Variants in TMPRSS5 observed in about 807,000 individuals in gnomAD.
TMPRSS5 encodes the protein transmembrane protease serine 5.
Under a neutral mutation model 59.7 loss-of-function variants are expected in TMPRSS5, and 45 were observed. The ratio of observed to expected loss-of-function variants is 0.75; its 90% confidence interval spans 0.59 to 0.97. TMPRSS5 has a LOEUF of 0.97. TMPRSS5 is among the 50% of genes least tolerant of loss of function. TMPRSS5 has a pLI of 0.00. For synonymous variants in TMPRSS5, 225 were observed against 232.0 expected (o/e 0.97, Z 0.27); for missense variants, 585 against 596.7 (o/e 0.98, Z 0.20).
rs1952725769 is a variant in TMPRSS5, at chr11:113,690,151, G to A, written c.1206+80C>T. The A allele has an allele frequency of 6.1e-6, 9 of 1,486,610 alleles. No homozygotes were observed. In the South Asian group the frequency reaches 7.8e-5, roughly 13 times the overall value. 92.1% of individuals were successfully genotyped at this position (1,486,610 alleles called of 1,614,324 possible). The stretch of plus-strand genomic sequence containing the variant: ...CACTGACAAGCTCAGACCAGGGCAG[G>A]GGGCCAAGTCACAGCAGGCCCCCTG... On this transcript the variant is annotated intron_variant, in intron 11 of 12. Transcript: ENST00000299882.
chr11:113,690,056 C>T (rs1348777079), intron 11 of TMPRSS5, 139 bp from the exon 12 acceptor site: 13 of 1,260,916 alleles, frequency 1.0e-5, no homozygotes, highest in African/African-American at 1.5e-5. Flanking sequence ...GGCCTCACCC[C>T]TCCTTAAACC....
At chr11:113,693,581 C>T (rs1011858616) in intron 8 of TMPRSS5, 1 of 195,470 alleles carries the variant, frequency 5.1e-6, no homozygotes, top group Non-Finnish European at 1.0e-5. Context: ...AAAAACTTCC[C>T]CTGGTCCCAT....
At position 113,689,757 on chromosome 11, in the gene TMPRSS5, A is replaced by G. The variant is rs1591370478; in HGVS notation, c.1359+8T>C. 3.7e-6 allele frequency: 6 copies of G among 1,608,286 alleles called. No individual in the cohort carries two copies. In the East Asian group the frequency reaches 1.3e-4, roughly 36 times the overall value. The stretch of plus-strand genomic sequence containing the variant: ...ATCTCCCTGCCCTACTCCTGCCCCC[A>G]CACTCACCTGAGCAGTGTCATGGAT... On this transcript the variant is annotated splice_region_variant and intron_variant, in intron 12 of 12. Coordinates refer to ENST00000299882, the MANE Select transcript of TMPRSS5 (RefSeq NM_030770.4).
At chr11:113,704,176 A>G (rs1953221583) in intron 1 of TMPRSS5, among the ~76,000 whole-genome samples, 1 of 152,228 alleles carries the variant, frequency 6.6e-6, no homozygotes, top group Non-Finnish European at 1.5e-5. Context: ...CTCATGAGCC[A>G]TGAAGAGGAG....
intron 7 of TMPRSS5, 112 bp downstream of exon 7, chr11:113,695,288 G>A: frequency 1.7e-6 from 2 of 1,188,812 alleles, no homozygotes; most frequent in Non-Finnish European, 2.4e-6. Flanking sequence ...AGGTGGGCAA[G>A]ACCCCTACCC....
chr11:113,694,977 G>A (rs529728608), intron 7 of TMPRSS5, among the ~76,000 whole-genome samples: 20 of 152,272 alleles, frequency 1.3e-4, no homozygotes, highest in Non-Finnish European at 2.2e-4. Context: ...GTAGATGAAC[G>A]GGAAGACCAA....
At chr11:113,693,021 C>T (rs751473929) in intron 9 of TMPRSS5, 50 bp downstream of exon 9, 1 of 1,483,268 alleles carries the variant, frequency 6.7e-7, no homozygotes, top group South Asian at 1.2e-5. Flanking sequence ...CAGCCCCCGC[C>T]CTCTCTCGCC....
At chr11:113,705,977 G>A (rs1341313530) in intron 1 of TMPRSS5, among the ~76,000 whole-genome samples, 2 of 152,226 alleles carry the variant, frequency 1.3e-5, no homozygotes, top group African/African-American at 4.8e-5. Flanking sequence ...ATAACGATTT[G>A]TTGAGCACCA....
Position 113,697,379 on chromosome 11 carries a change from G to A in TMPRSS5, c.368C>T (p.Ala123Val), listed in dbSNP as rs369568528. Residue 123 changes from alanine to valine, a missense_variant, in exon 5 of 13, where the codon GCG becomes GTG. Coordinates refer to ENST00000299882, the MANE Select transcript of TMPRSS5 (RefSeq NM_030770.4). ...CCAGCGTGGCTGATCCCTCACTTGCGCTTCCAGCAAGAAGTCTTCGCTGTT... is the reference window on the plus strand; with the variant it reads ...CCAGCGTGGCTGATCCCTCACTTGCACTTCCAGCAAGAAGTCTTCGCTGTT... ...RINSEDFLLE[A>V]QVRDQPRWLL... is the part of the protein sequence containing the mutation. The A allele has an allele frequency of 8.1e-5, 131 of 1,613,712 alleles. No homozygotes were observed. The highest frequency in any genetic ancestry group is 1.0e-4 in the Admixed American group (6 of 59,998).
chr11:113,700,211 G>T, intron 1 of TMPRSS5, 43 bp from the exon 2 acceptor site: 1 of 1,463,122 alleles, frequency 6.8e-7, no homozygotes, highest in Non-Finnish European at 9.1e-7. Context: ...CCACATCAAG[G>T]ACTGCTGAGA....
rs752949462 is a variant in TMPRSS5, at chr11:113,695,415, AAAC to A, written c.604_606del (p.Val202del). 12 of 1,613,838 alleles carry A rather than the reference AAAC, an allele frequency of 7.4e-6. No individual in the cohort carries two copies. Among genetic ancestry groups the A allele is most frequent in the East Asian group, 6.7e-5 (3 of 44,882 alleles). ...TATGACTCACCAGAGCATCTGAGGG[AAAC>A]AACTTGACCAGAAGTGCAGTTGTTC... On this transcript the variant is annotated inframe_deletion, in exon 7 of 13. Coordinates refer to ENST00000299882, the MANE Select transcript of TMPRSS5 (RefSeq NM_030770.4).
intron 4 of TMPRSS5, among the ~76,000 whole-genome samples, chr11:113,697,913 T>A (rs1425542594): frequency 6.6e-6 from 1 of 152,146 alleles, no homozygotes; most frequent in Non-Finnish European, 1.5e-5. Flanking sequence ...CAAATTCATA[T>A]GTTAAAGCCC....
chr11:113,695,019 G>A (rs1952888415), intron 7 of TMPRSS5, among the ~76,000 whole-genome samples: 1 of 151,982 alleles, frequency 6.6e-6, no homozygotes, highest in South Asian at 2.1e-4. Flanking sequence ...CTTCCCGTTT[G>A]GTACCTGATT....
chr11:113,697,914 G>A (rs1233245695), intron 4 of TMPRSS5, among the ~76,000 whole-genome samples: 1 of 152,174 alleles, frequency 6.6e-6, no homozygotes, highest in Non-Finnish European at 1.5e-5. Flanking sequence ...AAATTCATAT[G>A]TTAAAGCCCC....
chr11:113,702,990 G>T (rs1953185475), intron 1 of TMPRSS5, among the ~76,000 whole-genome samples: 1 of 152,248 alleles, frequency 6.6e-6, no homozygotes, highest in Non-Finnish European at 1.5e-5. Flanking sequence ...GGAAATGTAG[G>T]GTTGGAGCCC....
At position 113,688,017 on chromosome 11, in the gene TMPRSS5, C is replaced by G; in HGVS notation, c.*243G>C. On this transcript the variant is annotated 3_prime_UTR_variant, in exon 13 of 13. Transcript: ENST00000299882. Reference sequence around the variant, plus strand: ...CAACCACAGCATGCCCAACCAAGTCCCAGCCTCTCTTCTGTCATTGAGTCT... The same window carrying G: ...CAACCACAGCATGCCCAACCAAGTCGCAGCCTCTCTTCTGTCATTGAGTCT... The G allele has an allele frequency of 2.0e-6, 1 of 492,038 alleles. No homozygotes were observed. The highest frequency in any genetic ancestry group is 3.2e-6 in the Non-Finnish European group (1 of 308,804). The allele number at this position is 492,038 out of a possible 1,614,324, so 30.5% of individuals were successfully genotyped here.
chr11:113,689,749 C>T lies in TMPRSS5; in HGVS notation c.1359+16G>A. On this transcript the variant is annotated intron_variant, in intron 12 of 12. Transcript: ENST00000299882. ...CTTTAGAAATCTCCCTGCCCTACTC[C>T]TGCCCCCACACTCACCTGAGCAGTG... is the stretch of plus-strand genomic sequence containing the variant. 6.2e-7 allele frequency: 1 copy of T among 1,606,976 alleles called. No homozygotes were observed. The highest frequency in any genetic ancestry group is 8.5e-7 in the Non-Finnish European group (1 of 1,176,950).
intron 8 of TMPRSS5, among the ~76,000 whole-genome samples, chr11:113,694,049 C>T (rs1461362022): frequency 6.6e-6 from 1 of 152,146 alleles, no homozygotes; most frequent in African/African-American, 2.4e-5. Flanking sequence ...AGGCAGATCA[C>T]CTGAGGTCAG....
Position 113,694,626 on chromosome 11 carries a change from G to C in TMPRSS5, c.637C>G (p.Pro213Ala). 1 of 1,547,376 alleles carries C rather than the reference G, an allele frequency of 6.5e-7. No homozygotes were observed. The highest frequency in any genetic ancestry group is 8.7e-7 in the Non-Finnish European group (1 of 1,145,862). The change falls in exon 8 of 13, where the codon CCC (proline) becomes GCC (alanine). Residue 213 changes from proline (P) to alanine (A), a missense_variant. Coordinates refer to ENST00000299882, the MANE Select transcript of TMPRSS5 (RefSeq NM_030770.4). ...SLRCSECGAR[P>A]LASRIVGGQS... ...CCACCAACTATCCGGGAAGCCAGGG[G>C]CCTCGCTCCACACTCTGCCAACAGA...
Sources: gnomAD v4.1 joint callset for allele counts (sites outside exome capture counted in the v4.1 genomes callset) on GRCh38, gnomAD v4.1.1 for gene constraint, MANE v1.5 for transcripts, NCBI Gene and HGNC (gene_info 2026-07-23, HGNC 2026-07-21) for gene names.